E2F2: variants seen among roughly 807,000 people sequenced by gnomAD.
E2F2 encodes transcription factor E2F2.
A neutral mutation model predicts 42.2 loss-of-function variants in E2F2; 22 were observed. The observed-to-expected ratio is 0.52, with a 90% confidence interval of 0.37 to 0.74. The LOEUF is 0.74. E2F2 is among the 30% of genes least tolerant of loss of function. The pLI, the probability that E2F2 is intolerant of heterozygous loss-of-function variation, is 0.00. For missense variants in E2F2, 481 were observed against 557.8 expected (o/e 0.86, Z 1.39); for synonymous variants, 248 against 251.6 (o/e 0.99, Z 0.13).
Position 23,508,985 on chromosome 1 carries a change from C to T in E2F2, c.*895G>A. On this transcript the variant is annotated 3_prime_UTR_variant, in exon 7 of 7. Coordinates refer to ENST00000361729, the MANE Select transcript of E2F2 (RefSeq NM_004091.4). ...CTCTGAGGAAAAGTGCCCGCCACAG[C>T]CATGACAGCTGCCCCCATGCTCCTG... 1 of 152,548 alleles carries T rather than the reference C, an allele frequency of 6.6e-6. No homozygotes were observed. Among genetic ancestry groups the T allele is most frequent in the Non-Finnish European group, 1.5e-5 (1 of 68,238 alleles). The allele number at this position is 152,548 out of a possible 1,614,324, so 9.4% of individuals were successfully genotyped here. A position where few individuals can be genotyped will look rare whatever the true frequency, so the allele number is the denominator to read the frequency against.
chr1:23,528,428 C>T (rs1643284727), intron 1 of E2F2, among the ~76,000 whole-genome samples: 1 of 152,162 alleles, frequency 6.6e-6, no homozygotes, highest in Non-Finnish European at 1.5e-5. Context: ...GAGGGCAGGC[C>T]TGCCCACGGG....
At chr1:23,528,341 G>A (rs751135306) in intron 1 of E2F2, among the ~76,000 whole-genome samples, 19 of 152,174 alleles carry the variant, frequency 1.2e-4, no homozygotes, top group Admixed American at 2.6e-4. Flanking sequence ...TTTGCAGCCC[G>A]GCCACAAAGC....
intron 1 of E2F2, among the ~76,000 whole-genome samples, chr1:23,524,966 G>A (rs1050271659): frequency 6.6e-5 from 10 of 152,206 alleles, no homozygotes; most frequent in Non-Finnish European, 1.3e-4. Context: ...TTATCAGGGC[G>A]GGGCTGGGCA....
intron 6 of E2F2, among the ~76,000 whole-genome samples, chr1:23,511,877 C>T (rs1642916242): frequency 6.6e-6 from 1 of 152,186 alleles, no homozygotes; most frequent in African/African-American, 2.4e-5. Flanking sequence ...AAGGGTTGCT[C>T]AGAGGACCGC....
rs114494427 is a variant in E2F2, at chr1:23,512,457, A to T, written c.1046-2309T>A. ...GAAGTCCATTAAATGTATATTAATTAAAAAAAAAAATCTAAGGTTTGTTTG... is the reference window on the plus strand; with the variant it reads ...GAAGTCCATTAAATGTATATTAATTTAAAAAAAAAATCTAAGGTTTGTTTG... On this transcript the variant is annotated intron_variant, in intron 6 of 6. Transcript: ENST00000361729. Among the ~76,000 whole-genome samples, 589 of 148,180 alleles carry T rather than the reference A, an allele frequency of 4.0e-3. 3 individuals are homozygous for T. Among genetic ancestry groups the T allele is most frequent in the African/African-American group, 0.013 (526 of 40,294 alleles).
In E2F2 at chr1:23,520,422, C is replaced by A. The variant is rs1449829876; in HGVS notation, c.737+491G>T. On this transcript the variant is annotated intron_variant, in intron 4 of 6. Transcript: ENST00000361729. ...TCCAGATTTAAAGAAATTTACTTGG[C>A]TTATTTTCAATAATGAAAAAATACC... Among the ~76,000 whole-genome samples, 3 of 152,214 alleles carry A rather than the reference C, an allele frequency of 2.0e-5. 1 individual carries two copies. The South Asian group carries it at 6.2e-4, about 32-fold the overall frequency.
At chr1:23,518,358 C>T (rs1392448822) in intron 5 of E2F2, among the ~76,000 whole-genome samples, 2 of 151,798 alleles carry the variant, frequency 1.3e-5, no homozygotes, top group Non-Finnish European at 2.9e-5. Context: ...GTAATCTCAG[C>T]TACTTGGGAG....
At position 23,524,495 on chromosome 1, in the gene E2F2, G is replaced by A. The variant is rs776566461; in HGVS notation, c.253-7C>T. The A allele has an allele frequency of 6.2e-7, 1 of 1,612,506 alleles. No homozygotes were observed. Among genetic ancestry groups the A allele is most frequent in the Non-Finnish European group, 8.5e-7 (1 of 1,178,990 alleles). ...GATCCAGCTTCCTTTTGGCCTTGGA[G>A]AAAAGGGGGAGAGAGAGGCAGAGTT... On this transcript the variant is annotated splice_region_variant and splice_polypyrimidine_tract_variant and intron_variant, in intron 1 of 6. Transcript: ENST00000361729.
chr1:23,518,924 A>G (rs1643080368), intron 5 of E2F2, 92 bp downstream of exon 5: 1 of 951,840 alleles, frequency 1.1e-6, no homozygotes, highest in Non-Finnish European at 1.6e-6. Flanking sequence ...GCATGGGGCT[A>G]GGCAGTGCCA....
chr1:23,507,192 C>A lies in E2F2; in HGVS notation c.*2688G>T, dbSNP rs1475852140. ...AGAAAGACACTGGCTTTTCTCTTAC[C>A]CTCGTTTTAAAGTCTACCTGGTCCC... On this transcript the variant is annotated 3_prime_UTR_variant, in exon 7 of 7. Coordinates refer to ENST00000361729, the MANE Select transcript of E2F2 (RefSeq NM_004091.4). The A allele has an allele frequency of 6.6e-6, 1 of 151,950 alleles. No homozygotes were observed. Among genetic ancestry groups the A allele is most frequent in the African/African-American group, 2.4e-5 (1 of 41,370 alleles). 9.4% of individuals were successfully genotyped at this position (151,950 alleles called of 1,614,324 possible).
chr1:23,522,552 C>CCTT (rs3218164), intron 2 of E2F2, among the ~76,000 whole-genome samples: 76,962 of 151,806 alleles, frequency 0.51, 23,048 homozygotes, highest in East Asian at 0.83. Flanking sequence ...CCAGAGTTTT[C>CCTT]CTTAACCATT....
chr1:23,512,846 T>C (rs1642937031), intron 6 of E2F2, among the ~76,000 whole-genome samples: 1 of 150,620 alleles, frequency 6.6e-6, no homozygotes, highest in African/African-American at 2.4e-5. Flanking sequence ...AGAGTCCCAC[T>C]CTGTCGGTCA....
chr1:23,521,313 C>A (rs1430182610), intron 3 of E2F2, among the ~76,000 whole-genome samples: 1 of 152,144 alleles, frequency 6.6e-6, no homozygotes, highest in Non-Finnish European at 1.5e-5. Flanking sequence ...TATGCCCCAG[C>A]CTCCTCCAAC....
chr1:23,510,181 C>T (rs1642883286), intron 6 of E2F2, 33 bp from the exon 7 acceptor site: 1 of 1,530,512 alleles, frequency 6.5e-7, no homozygotes, highest in Non-Finnish European at 8.8e-7. Context: ...TACGCCTGGC[C>T]CTAGCATCCA....
At chr1:23,524,526 A>G in intron 1 of E2F2, 38 bp from the exon 2 acceptor site, 1 of 1,592,906 alleles carries the variant, frequency 6.3e-7, no homozygotes, top group Non-Finnish European at 8.6e-7. Context: ...GAGTTTGAGA[A>G]TCATTCCTCC....
At chr1:23,517,278 C>T (rs1204210772) in intron 5 of E2F2, among the ~76,000 whole-genome samples, 2 of 152,148 alleles carry the variant, frequency 1.3e-5, no homozygotes, top group South Asian at 2.1e-4. Flanking sequence ...ACCACATAAC[C>T]GCAACTTAAG....
chr1:23,510,235 T>C, intron 6 of E2F2, 87 bp from the exon 7 acceptor site: 2 of 1,441,114 alleles, frequency 1.4e-6, no homozygotes, highest in Non-Finnish European at 1.8e-6. Flanking sequence ...TCTGGATGAC[T>C]GCACCCTTCT....
In E2F2 at chr1:23,521,891, A is replaced by G; in HGVS notation, c.524T>C (p.Val175Ala). The change falls in exon 3 of 7, where the codon GTG becomes GCG. Residue 175 changes from valine to alanine, a missense_variant. Val to Ala is a moderately conservative substitution (Grantham distance 64). Coordinates refer to ENST00000361729, the MANE Select transcript of E2F2 (RefSeq NM_004091.4). ...GCGGATGAGCTGGATGCCTTCCAGC[A>G]CGTTGGTGATGTCATAGATGCGCCG... ...QKRRIYDITN[V>A]LEGIQLIRKK... 6.2e-7 allele frequency: 1 copy of G among 1,614,126 alleles called. No individual in the cohort carries two copies. Among genetic ancestry groups the G allele is most frequent in the Non-Finnish European group, 8.5e-7 (1 of 1,180,012 alleles).
intron 4 of E2F2, among the ~76,000 whole-genome samples, chr1:23,519,936 G>A (rs2148700443): frequency 6.6e-6 from 1 of 152,124 alleles, no homozygotes. Context: ...AAATTAGCCG[G>A]GTGTGGTGGC....
Sources: gnomAD v4.1 joint callset for allele counts (sites outside exome capture counted in the v4.1 genomes callset) on GRCh38, gnomAD v4.1.1 for gene constraint, MANE v1.5 for transcripts, NCBI Gene and HGNC (gene_info 2026-07-23, HGNC 2026-07-21) for gene names.